LSM14A: variants seen among roughly 807,000 people sequenced by gnomAD.
LSM14A encodes protein LSM14 homolog A.
A neutral mutation model predicts 52.4 loss-of-function variants in LSM14A; 14 were observed. The observed-to-expected ratio is 0.27, with a 90% CI of 0.18 to 0.42. The LOEUF (loss-of-function observed/expected upper bound fraction) is 0.42, where lower values mean the gene tolerates loss of function less well. Ranked by LOEUF, LSM14A falls within the 10% of genes least tolerant of loss-of-function variation. The probability of loss-of-function intolerance (pLI) is 1.00; values close to 1 mark genes in which losing one functional copy is unlikely to be tolerated. For synonymous variants in LSM14A, 185 were observed against 200.3 expected, an observed-to-expected ratio of 0.92 and a Z score of 0.64; for missense variants, 417 against 581.8, an observed-to-expected ratio of 0.72 and a Z score of 2.91.
chr19:34,193,438 G>A (rs548609764), intron 1 of LSM14A, among the ~76,000 whole-genome samples: 4 of 152,280 alleles, frequency 2.6e-5, no homozygotes, highest in African/African-American at 9.6e-5. Context: ...TGGGATTACA[G>A]GCATGAGCCA....
intron 9 of LSM14A, among the ~76,000 whole-genome samples, chr19:34,226,882 T>A (rs11673180): frequency 0.14 from 20,819 of 152,250 alleles, 1,760 homozygotes; most frequent in Middle Eastern, 0.25. Context: ...CCTTGTAAAA[T>A]TGATTTTTAA....
chr19:34,183,328 G>A (rs919757189), intron 1 of LSM14A, among the ~76,000 whole-genome samples: 3 of 151,992 alleles, frequency 2.0e-5, no homozygotes, highest in African/African-American at 7.3e-5. Context: ...CGAGGCGGGC[G>A]GATTACGAGG....
intron 2 of LSM14A, among the ~76,000 whole-genome samples, chr19:34,196,294 T>C (rs992133094): frequency 1.3e-5 from 2 of 152,168 alleles, no homozygotes; most frequent in Non-Finnish European, 2.9e-5. Context: ...AAACTCATTA[T>C]TACTAAGTGT....
intron 6 of LSM14A, among the ~76,000 whole-genome samples, chr19:34,218,836 A>G (rs1568499600): frequency 6.6e-6 from 1 of 152,186 alleles, no homozygotes; most frequent in Admixed American, 6.5e-5. Flanking sequence ...TGGAGTAGGA[A>G]GTGTTTTGAG....
intron 3 of LSM14A, among the ~76,000 whole-genome samples, chr19:34,199,512 T>G (rs1290307642): frequency 6.6e-6 from 1 of 152,182 alleles, no homozygotes; most frequent in Non-Finnish European, 1.5e-5. Context: ...AATAGTGTTT[T>G]TACCATGGAG....
In LSM14A at chr19:34,219,526, A is replaced by G. The variant is rs1359569980; in HGVS notation, c.917A>G (p.Asn306Ser). ...TTTGAAAGTGCAAATGCACAATTCA[A>G]CAAGGAAGAGATTGACAGAGAGTTT... is the stretch of plus-strand genomic sequence containing the variant. ...FDFESANAQF[N>S]KEEIDREFHN... is the part of the protein sequence containing the mutation. The change falls in exon 7 of 10, where the codon AAC (asparagine) becomes AGC (serine). Residue 306 changes from asparagine to serine, a missense_variant. This residue lies in a region of LSM14A where 357 missense variants were observed against 457.0 expected (regional missense o/e 0.78). Coordinates refer to ENST00000544216, the MANE Select transcript of LSM14A (RefSeq NM_015578.4). The G allele has an allele frequency of 2.5e-6, 4 of 1,613,798 alleles. No individual in the cohort carries two copies. The highest frequency in any genetic ancestry group is 1.7e-5 in the Admixed American group (1 of 59,976).
At chr19:34,187,290 T>C (rs1312449483) in intron 1 of LSM14A, among the ~76,000 whole-genome samples, 1 of 151,840 alleles carries the variant, frequency 6.6e-6, no homozygotes, top group Non-Finnish European at 1.5e-5. Context: ...ATTTTTTTTT[T>C]TTTCTTTTGA....
chr19:34,204,866 T>C (rs1257196820), intron 3 of LSM14A, among the ~76,000 whole-genome samples: 1 of 152,072 alleles, frequency 6.6e-6, no homozygotes, highest in Non-Finnish European at 1.5e-5. Flanking sequence ...GCGCAATGGC[T>C]CATGCCTATG....
intron 4 of LSM14A, among the ~76,000 whole-genome samples, chr19:34,209,742 G>T (rs1390213922): frequency 6.6e-6 from 1 of 151,214 alleles, no homozygotes; most frequent in Non-Finnish European, 1.5e-5. Context: ...TCCCTGTATT[G>T]CCCAGGCTGG....
intron 3 of LSM14A, among the ~76,000 whole-genome samples, chr19:34,197,206 C>T (rs1300052200): frequency 1.3e-5 from 2 of 151,946 alleles, no homozygotes; most frequent in Non-Finnish European, 2.9e-5. Flanking sequence ...ATTCTCGTGC[C>T]TCAGCCTCCC....
At chr19:34,214,315 T>TATTG (rs2072409162) in intron 4 of LSM14A, among the ~76,000 whole-genome samples, 1 of 151,578 alleles carries the variant, frequency 6.6e-6, no homozygotes, top group African/African-American at 2.4e-5. Context: ...TTTATTTATT[T>TATTG]ATTTATTTAT....
intron 4 of LSM14A, among the ~76,000 whole-genome samples, chr19:34,211,165 GGCATGGTGGCGT>G (rs1423831642): frequency 6.6e-6 from 1 of 151,554 alleles, no homozygotes; most frequent in Non-Finnish European, 1.5e-5. Flanking sequence ...AAATTAGCCG[GGCATGGTGGCGT>G]GCACCTGTAA....
At chr19:34,189,668 C>T (rs1463953230) in intron 1 of LSM14A, among the ~76,000 whole-genome samples, 1 of 152,110 alleles carries the variant, frequency 6.6e-6, no homozygotes, top group East Asian at 1.9e-4. Context: ...TTTTGCCAGC[C>T]AGACAAAGGC....
chr19:34,206,395 A>T (rs904008626), intron 3 of LSM14A, among the ~76,000 whole-genome samples: 1 of 151,896 alleles, frequency 6.6e-6, no homozygotes, highest in Non-Finnish European at 1.5e-5. Flanking sequence ...AAGACTGGGT[A>T]CGGTGGCTCA....
At chr19:34,215,487 A>T in intron 5 of LSM14A, 109 bp from the exon 6 acceptor site, 1 of 1,148,972 alleles carries the variant, frequency 8.7e-7, no homozygotes, top group Non-Finnish European at 1.3e-6. Context: ...TGGGCATTGC[A>T]CAGGCTTTGT....
chr19:34,215,450 A>AGTG, intron 5 of LSM14A, 146 bp from the exon 6 acceptor site: 1 of 1,118,894 alleles, frequency 8.9e-7, no homozygotes, highest in Admixed American at 2.6e-5. Context: ...TTTGACTCAA[A>AGTG]GTGGTGGTGG....
intron 4 of LSM14A, among the ~76,000 whole-genome samples, chr19:34,211,909 TTAAAA>T (rs1599708179): frequency 6.6e-6 from 1 of 152,172 alleles, no homozygotes; most frequent in Non-Finnish European, 1.5e-5. Flanking sequence ...CAGTTTATCT[TTAAAA>T]TAAACATGGA....
intron 3 of LSM14A, among the ~76,000 whole-genome samples, chr19:34,203,271 C>A (rs1189809156): frequency 6.6e-6 from 1 of 152,186 alleles, no homozygotes; most frequent in Non-Finnish European, 1.5e-5. Context: ...GTTTAAGTCT[C>A]ATAATCTTAT....
intron 9 of LSM14A, among the ~76,000 whole-genome samples, chr19:34,222,365 T>C (rs1174010150): frequency 1.3e-5 from 2 of 152,266 alleles, no homozygotes; most frequent in African/African-American, 4.8e-5. Flanking sequence ...CTTCAGGAGC[T>C]ACTGCTAGAG....
Sources: gnomAD v4.1 joint callset for allele counts (sites outside exome capture counted in the v4.1 genomes callset) on GRCh38, gnomAD v4.1.1 for gene constraint, gnomAD v4.1.1 regional missense constraint, MANE v1.5 for transcripts, NCBI Gene and HGNC (gene_info 2026-07-23, HGNC 2026-07-21) for gene names.